The following CHRNA3 variants were observed in gnomAD, a reference collection of about 807,000 sequenced individuals.
CHRNA3 encodes the protein cholinergic receptor nicotinic alpha 3 subunit.
A neutral mutation model predicts 41.9 loss-of-function variants in CHRNA3; 34 were observed. The ratio of observed to expected loss-of-function variants is 0.81; its 90% CI spans 0.62 to 1.08. CHRNA3 has a LOEUF of 1.08. Among genes scored for constraint, CHRNA3 ranks in the 50% least tolerant of loss-of-function variants. CHRNA3 has a pLI of 0.00. For missense variants in CHRNA3, 542 were observed against 638.3 expected, an observed-to-expected ratio of 0.85 and a Z score of 1.63; for synonymous variants, 281 against 265.2, an observed-to-expected ratio of 1.06 and a Z score of -0.58.
intron 4 of CHRNA3, among the ~76,000 whole-genome samples, chr15:78,603,505 C>T (rs2053237544): frequency 6.6e-6 from 1 of 152,214 alleles, no homozygotes; most frequent in Admixed American, 6.5e-5. Flanking sequence ...CGGATCAGCC[C>T]TGTTAAGTTT....
chr15:78,595,422 T>A lies in CHRNA3; in HGVS notation c.*1182A>T. On this transcript the variant is annotated 3_prime_UTR_variant, in exon 6 of 6. Transcript: ENST00000326828. ...ATCACGTTAAGTTTCAGAAGTGTAG[T>A]ACATGATACTCTTAACAATTTGTCT... The A allele has an allele frequency of 1.0e-6, 1 of 985,092 alleles. No individual in the cohort carries two copies. The highest frequency in any genetic ancestry group is 1.2e-6 in the Non-Finnish European group (1 of 829,606). The allele number at this position is 985,092 out of a possible 1,614,324, so 61.0% of individuals were successfully genotyped here. A position where few individuals can be genotyped will look rare whatever the true frequency, so the allele number is the denominator to read the frequency against.
Position 78,601,716 on chromosome 15 carries a change from A to AAGGTTACAAAAATCAT in CHRNA3, c.925_926insATGATTTTTGTAACCT (p.Leu309HisfsTer115). ...CAAGGTTACAAAAATCATGGTGAAC[A>AAGGTTACAAAAATCAT]GGAGGTACTCTCCAATCAGGGGGAT... On this transcript the variant is annotated frameshift_variant, in exon 5 of 6. Coordinates refer to ENST00000326828, the MANE Select transcript of CHRNA3 (RefSeq NM_000743.5). LOFTEE classifies it high-confidence loss of function. 2 of 1,614,192 alleles carry AAGGTTACAAAAATCAT rather than the reference A, an allele frequency of 1.2e-6. No individual in the cohort carries two copies. Among genetic ancestry groups the AAGGTTACAAAAATCAT allele is most frequent in the Non-Finnish European group, 1.7e-6 (2 of 1,180,026 alleles).
intron 5 of CHRNA3, among the ~76,000 whole-genome samples, chr15:78,597,069 G>A (rs1285681777): frequency 3.9e-5 from 6 of 152,158 alleles, no homozygotes; most frequent in African/African-American, 1.4e-4. Flanking sequence ...AGGATTCTGG[G>A]CCTTGGTTAG....
chr15:78,618,359 A>G (rs2053496941), intron 3 of CHRNA3: 1 of 524,026 alleles, frequency 1.9e-6, no homozygotes, highest in Middle Eastern at 5.3e-4. Context: ...TTGTGTGAAC[A>G]TGGAGAATGT....
At chr15:78,618,516 G>T in intron 3 of CHRNA3, 101 bp downstream of exon 3, 2 of 1,385,908 alleles carry the variant, frequency 1.4e-6, no homozygotes, top group South Asian at 2.4e-5. Flanking sequence ...GGGTTCCACA[G>T]AAGTAAATGA....
downstream of CHRNA3, chr15:78,593,156 T>C (rs763412847): frequency 1.2e-6 from 2 of 1,613,956 alleles, no homozygotes; most frequent in African/African-American, 1.3e-5. Flanking sequence ...ACTTTTCTTT[T>C]CGTTTCAATT....
At chr15:78,594,923 A>T (rs2053075527), downstream of CHRNA3, 1 of 152,192 alleles carries the variant, frequency 6.6e-6, no homozygotes, top group Non-Finnish European at 1.5e-5. Flanking sequence ...AAAACAGTTA[A>T]ATTCCATCTC....
Position 78,596,570 on chromosome 15 carries a change from AG to A in CHRNA3, c.*33del. 6.7e-7 allele frequency: 1 copy of A among 1,496,078 alleles called. No individual in the cohort carries two copies. Among genetic ancestry groups the A allele is most frequent in the Non-Finnish European group, 8.9e-7 (1 of 1,124,036 alleles). 92.7% of individuals were successfully genotyped at this position (1,496,078 alleles called of 1,614,324 possible). On this transcript the variant is annotated 3_prime_UTR_variant, in exon 6 of 6. Transcript: ENST00000326828. The stretch of plus-strand genomic sequence containing the variant: ...AGCAGCCTCCTCCTGCCCTGACACA[AG>A]GAAGTCTCCCAGGCAGGCACACAGC...
rs1433035046 is a variant in CHRNA3, at chr15:78,617,068, G to A, written c.333C>T (p.Val111=). The A allele has an allele frequency of 1.9e-6, 3 of 1,613,920 alleles. No homozygotes were observed. The highest frequency in any genetic ancestry group is 2.5e-6 in the Non-Finnish European group (3 of 1,179,940). ...SDYGGAEFMR[V]PAQKIWKPDI... ...CTGGCTTCCAGATCTTCTGTGCAGG[G>A]ACACGCATGAACTCTGCCCCACCAT... Residue 111 remains valine (V), a synonymous_variant, in exon 4 of 6, where the codon GTC becomes GTT. Coordinates refer to ENST00000326828, the MANE Select transcript of CHRNA3 (RefSeq NM_000743.5).
At chr15:78,613,021 T>A (rs948067336) in intron 4 of CHRNA3, among the ~76,000 whole-genome samples, 3 of 152,166 alleles carry the variant, frequency 2.0e-5, no homozygotes, top group African/African-American at 7.2e-5. Flanking sequence ...CACAATGAGA[T>A]ACCATCTCAC....
chr15:78,608,255 A>C (rs1000338303), intron 4 of CHRNA3, among the ~76,000 whole-genome samples: 1 of 152,252 alleles, frequency 6.6e-6, no homozygotes, highest in African/African-American at 2.4e-5. Flanking sequence ...GAGAACGGGC[A>C]GACTGCCTCC....
intron 4 of CHRNA3, among the ~76,000 whole-genome samples, chr15:78,613,950 T>TG (rs1342696571): frequency 6.7e-6 from 1 of 148,814 alleles, no homozygotes; most frequent in South Asian, 2.2e-4. Flanking sequence ...CATCTCGGGG[T>TG]GGGGGGAAAA....
chr15:78,608,624 A>C (rs1417745663), intron 4 of CHRNA3, among the ~76,000 whole-genome samples: 1 of 152,134 alleles, frequency 6.6e-6, no homozygotes, highest in Non-Finnish European at 1.5e-5. Context: ...AACCACAAAG[A>C]TGGGGAAAAA....
At position 78,620,751 on chromosome 15, in the gene CHRNA3, G is replaced by C; in HGVS notation, c.44C>G (p.Pro15Arg). 6.7e-7 allele frequency: 1 copy of C among 1,497,588 alleles called. No homozygotes were observed. The highest frequency in any genetic ancestry group is 1.2e-5 in the South Asian group (1 of 80,714). The allele number at this position is 1,497,588 out of a possible 1,614,324, so 92.8% of individuals were successfully genotyped here. ...CAGCAGCAGCAGCAGCAGCAGCCGCGGCGGCGACAGCGCCAGGGGCAGCGA... is the reference window on the plus strand; with the variant it reads ...CAGCAGCAGCAGCAGCAGCAGCCGCCGCGGCGACAGCGCCAGGGGCAGCGA... ...PLSLPLALSP[P>R]RLLLLLLLSL... Residue 15 changes from proline to arginine, a missense_variant, in exon 1 of 6, where the codon CCG (proline) becomes CGG (arginine). Physicochemically the swap from Pro to Arg is moderately radical, Grantham distance 103. Coordinates refer to ENST00000326828, the MANE Select transcript of CHRNA3 (RefSeq NM_000743.5).
chr15:78,610,990 G>C (rs1243142214), intron 4 of CHRNA3, among the ~76,000 whole-genome samples: 1 of 151,988 alleles, frequency 6.6e-6, no homozygotes, highest in Non-Finnish European at 1.5e-5. Context: ...ATAAATTCCT[G>C]GACACATACA....
intron 3 of CHRNA3, 140 bp downstream of exon 3, chr15:78,618,477 T>G (rs936035912): frequency 1.1e-6 from 1 of 904,378 alleles, no homozygotes; most frequent in African/African-American, 1.7e-5. Context: ...TTAGAAGAGA[T>G]ATATCTGCCA....
In CHRNA3 at chr15:78,618,589, C is replaced by T. The variant is rs764934946; in HGVS notation, c.267+28G>A. ...AAATAAAACAGTCACCACCAGGGGG[C>T]AGCAGTGCCTAGGGTCTGGTCACTT... On this transcript the variant is annotated intron_variant, in intron 3 of 5. Coordinates refer to ENST00000326828, the MANE Select transcript of CHRNA3 (RefSeq NM_000743.5). 7.4e-6 allele frequency: 12 copies of T among 1,613,376 alleles called. No homozygotes were observed. The East Asian group carries it at 2.7e-4, about 36-fold the overall frequency.
At chr15:78,620,371 G>GCGGGGCAGGGCGACGGGCAGCT in intron 1 of CHRNA3, 2 of 319,860 alleles carry the variant, frequency 6.3e-6, no homozygotes, top group Non-Finnish European at 1.1e-5. Flanking sequence ...GAGCCAGTGC[G>GCGGGGCAGGGCGACGGGCAGCT]CGGGGCAGGG....
chr15:78,602,350 A>G, intron 4 of CHRNA3, 86 bp from the exon 5 acceptor site: 1 of 1,409,470 alleles, frequency 7.1e-7, no homozygotes, highest in East Asian at 2.4e-5. Flanking sequence ...TCTCACAGTA[A>G]GTAATGATTT....
Sources: gnomAD v4.1 joint callset for allele counts (sites outside exome capture counted in the v4.1 genomes callset) on GRCh38, gnomAD v4.1.1 for gene constraint, MANE v1.5 for transcripts, NCBI Gene and HGNC (gene_info 2026-07-23, HGNC 2026-07-21) for gene names.